Variants in BRME1 observed in about 807,000 individuals in gnomAD.
BRME1 encodes BRCA2 and MEILB2-associating protein 1.
Under a neutral mutation model 52.6 loss-of-function variants are expected in BRME1, and 31 were observed. The observed-to-expected ratio is 0.59, with a 90% CI of 0.44 to 0.80. BRME1 has a LOEUF of 0.80. BRME1 is among the 30% of genes least tolerant of loss of function. The probability of loss-of-function intolerance (pLI) is 0.00; values close to 1 mark genes in which losing one functional copy is unlikely to be tolerated. For missense variants in BRME1, 804 were observed against 860.3 expected (o/e 0.93, Z 0.82); for synonymous variants, 359 against 353.6 (o/e 1.02, Z -0.17).
At chr19:13,891,140 TA>T (rs1568380763) in intron 5 of BRME1, among the ~76,000 whole-genome samples, 1 of 149,410 alleles carries the variant, frequency 6.7e-6, no homozygotes, top group East Asian at 2.0e-4. Context: ...TCCTGTTTAT[TA>T]TTATTATTAT....
rs1969343115 is a variant in BRME1 at position 13,889,893 on chromosome 19, TTCCCTACCCA to T, written c.953_962del (p.Met318LysfsTer22). The T allele has an allele frequency of 1.4e-5, 23 of 1,613,094 alleles. No individual in the cohort carries two copies. The highest frequency in any genetic ancestry group is 1.6e-4 in the Middle Eastern group (1 of 6,062). On this transcript the variant is annotated frameshift_variant, in exon 6 of 9. Coordinates refer to ENST00000586783, the MANE Select transcript of BRME1 (RefSeq NM_001345843.2). LOFTEE classifies it high-confidence loss of function. ...CCAGGCTGCTATGAGTCCCTTCCCC[TTCCCTACCCA>T]TCCTGCTGGGGGTCTGCTGGGGGTC...
intron 2 of BRME1, among the ~76,000 whole-genome samples, chr19:13,898,146 GA>G (rs1970034505): frequency 6.6e-6 from 1 of 152,010 alleles, no homozygotes; most frequent in Non-Finnish European, 1.5e-5. Flanking sequence ...AAAGATGCGA[GA>G]ATTGACACCC....
At position 13,895,428 on chromosome 19, in the gene BRME1, C is replaced by T. The variant is rs771305583; in HGVS notation, c.150G>A (p.Leu50=). Residue 50 remains leucine, a synonymous_variant, in exon 3 of 9, where the codon TTG becomes TTA. Transcript: ENST00000586783. The stretch of plus-strand genomic sequence containing the variant: ...GCTGCTGTGTAGAGGGAACAGGTCC[C>T]AATTTGCCCTCTGGCTCCTCAGGGT... ...LHHPEEPEGK[L]GPVPSTQQHG... 1.9e-6 allele frequency: 3 copies of T among 1,614,124 alleles called. No individual in the cohort carries two copies. Among genetic ancestry groups the T allele is most frequent in the Non-Finnish European group, 1.7e-6 (2 of 1,180,014 alleles).
intron 6 of BRME1, among the ~76,000 whole-genome samples, chr19:13,887,671 T>C (rs1427676847): frequency 6.6e-6 from 1 of 152,124 alleles, no homozygotes; most frequent in African/African-American, 2.4e-5. Flanking sequence ...TTGCAAGGCA[T>C]GAAGCTCTCA....
intron 2 of BRME1, among the ~76,000 whole-genome samples, chr19:13,898,394 A>C (rs559516240): frequency 1.3e-5 from 2 of 152,156 alleles, no homozygotes; most frequent in Non-Finnish European, 2.9e-5. Context: ...AGGGGGTAGG[A>C]TCACTTGAGT....
rs1968815159 is a variant in BRME1, at chr19:13,883,918, G to A, written c.1764-518C>T. On this transcript the variant is annotated intron_variant, in intron 7 of 8. Transcript: ENST00000586783. The surrounding 1 kb of genome is among the most constrained non-coding windows in gnomAD (Gnocchi z 4.2). ...CTCCTTACATTTTAACCCCTTCTCC[G>A]CTGCCTTTTTTTCCCCAACACTCTG... is the stretch of plus-strand genomic sequence containing the variant. Among the ~76,000 whole-genome samples the A allele has an allele frequency of 6.6e-6, 1 of 151,892 alleles. No homozygotes were observed. Among genetic ancestry groups the A allele is most frequent in the South Asian group, 2.1e-4 (1 of 4,830 alleles).
At chr19:13,896,326 T>C (rs905273388) in intron 2 of BRME1, among the ~76,000 whole-genome samples, 1 of 148,086 alleles carries the variant, frequency 6.8e-6, no homozygotes, top group Non-Finnish European at 1.5e-5. Context: ...TATTCATATT[T>C]AATATATACA....
In BRME1 at chr19:13,889,595, G is replaced by C; in HGVS notation, c.1261C>G (p.Leu421Val). Residue 421 changes from leucine to valine, a missense_variant, in exon 6 of 9, where the codon CTG becomes GTG. Coordinates refer to ENST00000586783, the MANE Select transcript of BRME1 (RefSeq NM_001345843.2). ...ATGGACTCTCCGCTCCCAGGTGCCA[G>C]AGCCAGGGAGGCTGTAGGGCCCACT... is the stretch of plus-strand genomic sequence containing the variant. ...VLVGPTASLA[L>V]APGSGESMMG... 1 of 1,611,504 alleles carries C rather than the reference G, an allele frequency of 6.2e-7. No individual in the cohort carries two copies. The highest frequency in any genetic ancestry group is 8.5e-7 in the Non-Finnish European group (1 of 1,178,682).
chr19:13,896,278 A>T (rs930560012), intron 2 of BRME1, among the ~76,000 whole-genome samples: 1 of 149,200 alleles, frequency 6.7e-6, no homozygotes, highest in East Asian at 1.9e-4. Flanking sequence ...TCAAAAAAAA[A>T]TTAATATATA....
chr19:13,899,315 A>T (rs1970141714), intron 2 of BRME1, among the ~76,000 whole-genome samples: 1 of 151,602 alleles, frequency 6.6e-6, no homozygotes, highest in Admixed American at 6.6e-5. Flanking sequence ...TGCCTGGTTA[A>T]TTTTTTTGTA....
intron 6 of BRME1, among the ~76,000 whole-genome samples, chr19:13,886,389 A>G (rs1215751042): frequency 1.3e-5 from 2 of 152,224 alleles, no homozygotes; most frequent in African/African-American, 4.8e-5. Context: ...CCCTGACACC[A>G]CTGCAGTCTC....
intron 2 of BRME1, 32 bp from the exon 3 acceptor site, chr19:13,895,578 G>A (rs763491347): frequency 3.2e-6 from 5 of 1,586,236 alleles, no homozygotes; most frequent in Non-Finnish European, 4.3e-6. Context: ...ATGAAGGGGT[G>A]GGGGATACAG....
At chr19:13,899,876 C>T (rs1055843947) in intron 2 of BRME1, among the ~76,000 whole-genome samples, 3 of 152,024 alleles carry the variant, frequency 2.0e-5, no homozygotes, top group South Asian at 2.1e-4. Flanking sequence ...GTGGTGGGCA[C>T]CTGTAGTCCC....
intron 2 of BRME1, among the ~76,000 whole-genome samples, chr19:13,900,832 C>T (rs552592573): frequency 1.3e-5 from 2 of 151,816 alleles, no homozygotes; most frequent in Admixed American, 6.6e-5. Flanking sequence ...CCACCATGCC[C>T]GGCTAATTTT....
Position 13,890,043 on chromosome 19 carries a change from C to T in BRME1, c.813G>A (p.Glu271=). 1 of 1,613,526 alleles carries T rather than the reference C, an allele frequency of 6.2e-7. No homozygotes were observed. Among genetic ancestry groups the T allele is most frequent in the Non-Finnish European group, 8.5e-7 (1 of 1,179,798 alleles). Residue 271 remains glutamate (E), a synonymous_variant, in exon 6 of 9, where the codon GAG becomes GAA. Coordinates refer to ENST00000586783, the MANE Select transcript of BRME1 (RefSeq NM_001345843.2). Reference sequence around the variant, plus strand: ...GGGTACAGGGGACACCGTCTCCCTCCTCCTGGGGCCCTCCAGGCAGGCCAG... The same window carrying T: ...GGGTACAGGGGACACCGTCTCCCTCTTCCTGGGGCCCTCCAGGCAGGCCAG... ...AGAGLPGGPQ[E]EGDGVPCTPA...
chr19:13,893,463 A>C (rs1016580181), intron 3 of BRME1, among the ~76,000 whole-genome samples: 2 of 152,040 alleles, frequency 1.3e-5, no homozygotes, highest in African/African-American at 4.8e-5. Context: ...TGAACTCAGG[A>C]GATGGTGTTT....
rs148642817 is a variant in BRME1 at position 13,891,135 on chromosome 19, T to TTTATTATTA, written c.394-682_394-674dup. ...AGACCACACCAATGTCAATTTCCTG[T>TTTATTATTA]TTATTATTATTATTATTATTATTAT... On this transcript the variant is annotated intron_variant, in intron 5 of 8. Coordinates refer to ENST00000586783, the MANE Select transcript of BRME1 (RefSeq NM_001345843.2). 2.0e-3 allele frequency among the ~76,000 whole-genome samples: 287 copies of TTTATTATTA among 146,662 alleles called. 2 individuals are homozygous for TTTATTATTA. The highest frequency in any genetic ancestry group is 9.5e-3 in the South Asian group (44 of 4,630).
Position 13,886,033 on chromosome 19 carries a change from G to A in BRME1, c.1691C>T (p.Pro564Leu), listed in dbSNP as rs780340923. ...PEQLFPSGNKPGPCWPGPSSH... is the reference protein window; with the variant it reads ...PEQLFPSGNKLGPCWPGPSSH... ...GCTGGGGCCCGGCCAGCAAGGGCCC[G>A]GCTTGTTCCCCGAAGGAAAGAGCTG... The change falls in exon 7 of 9, where the codon CCG (proline) becomes CTG (leucine). Residue 564 changes from proline to leucine, a missense_variant. By Grantham distance (98) the Pro-to-Leu change is moderately conservative (BLOSUM62 -3). Transcript: ENST00000586783. The A allele has an allele frequency of 1.6e-5, 26 of 1,613,858 alleles. No homozygotes were observed. The highest frequency in any genetic ancestry group is 4.0e-5 in the African/African-American group (3 of 74,952).
Position 13,885,970 on chromosome 19 carries a change from G to A in BRME1, c.1754C>T (p.Ala585Val), listed in dbSNP as rs147619108. The A allele has an allele frequency of 2.9e-4, 471 of 1,613,714 alleles. 1 individual carries two copies. The highest frequency in any genetic ancestry group is 3.6e-4 in the Non-Finnish European group (424 of 1,179,940). The change falls in exon 7 of 9, where the codon GCC becomes GTC. Residue 585 changes from alanine to valine, a missense_variant. Coordinates refer to ENST00000586783, the MANE Select transcript of BRME1 (RefSeq NM_001345843.2). ...ANGDPVAVAKAQPRTFVGIQA... is the reference protein window; with the variant it reads ...ANGDPVAVAKVQPRTFVGIQA... ...CCCACGCCACACCTACCTCGGCTGG[G>A]CCTTGGCCACTGCAACAGGGTCTCC...
Sources: gnomAD v4.1 joint callset for allele counts (sites outside exome capture counted in the v4.1 genomes callset) on GRCh38, gnomAD v4.1.1 for gene constraint, Gnocchi (gnomAD v3.1) non-coding constraint, MANE v1.5 for transcripts, NCBI Gene and HGNC (gene_info 2026-07-23, HGNC 2026-07-21) for gene names.